The following DGKB variants were observed in gnomAD, a reference collection of about 807,000 sequenced individuals.
DGKB encodes 90 kDa diacylglycerol kinase.
DGKB carries 67 observed loss-of-function variants against 114.3 expected under a neutral mutation model. The ratio of observed to expected loss-of-function variants is 0.59; its 90% CI spans 0.48 to 0.72. The LOEUF is 0.72. DGKB is among the 30% of genes least tolerant of loss of function. The pLI, the probability that DGKB is intolerant of heterozygous loss-of-function variation, is 0.00. For missense variants in DGKB, 907 were observed against 975.2 expected (o/e 0.93, Z 0.93); for synonymous variants, 398 against 323.1 (o/e 1.23, Z -2.49).
intron 14 of DGKB, 150 bp from the exon 15 acceptor site, chr7:14,621,644 T>C (rs1003932595): frequency 1.7e-6 from 1 of 580,100 alleles, no homozygotes; most frequent in Non-Finnish European, 3.0e-6. Flanking sequence ...ATGAAAGCTG[T>C]TGTTTTCAAC....
At chr7:14,830,321 T>A (rs1214198736) in intron 2 of DGKB, among the ~76,000 whole-genome samples, 3 of 152,024 alleles carry the variant, frequency 2.0e-5, no homozygotes, top group African/African-American at 7.2e-5. Flanking sequence ...CCTCTTTGAA[T>A]TCCTTCTAAC....
At chr7:14,408,927 T>C (rs984254842) in intron 21 of DGKB, among the ~76,000 whole-genome samples, 2 of 152,120 alleles carry the variant, frequency 1.3e-5, no homozygotes, top group Non-Finnish European at 2.9e-5. Flanking sequence ...ATAAAAGATA[T>C]GTAGATGCTA....
chr7:14,877,607 C>A (rs960891257), intron 1 of DGKB, among the ~76,000 whole-genome samples: 1 of 152,008 alleles, frequency 6.6e-6, no homozygotes, highest in South Asian at 2.1e-4. Context: ...TTTGGGTGAC[C>A]CCTCTGGCAT....
At chr7:14,661,100 C>T (rs1816973762) in intron 13 of DGKB, among the ~76,000 whole-genome samples, 1 of 151,828 alleles carries the variant, frequency 6.6e-6, no homozygotes, top group African/African-American at 2.4e-5. Context: ...CCACAAAGAC[C>T]CTAGAAGAAA....
At chr7:14,421,726 A>T (rs896172547) in intron 21 of DGKB, among the ~76,000 whole-genome samples, 2 of 152,080 alleles carry the variant, frequency 1.3e-5, no homozygotes, top group African/African-American at 4.8e-5. Context: ...AGTGATGATA[A>T]TGGAAAGCAA....
At chr7:14,960,278 T>G (rs1290521335) in intron 1 of DGKB, among the ~76,000 whole-genome samples, 1 of 152,090 alleles carries the variant, frequency 6.6e-6, no homozygotes, top group African/African-American at 2.4e-5. Context: ...AAAGAATATA[T>G]AACAGCTTGG....
chr7:14,834,532 G>GCTCTCT (rs142125920), intron 2 of DGKB, among the ~76,000 whole-genome samples: 14 of 150,854 alleles, frequency 9.3e-5, no homozygotes, highest in Non-Finnish European at 1.8e-4. Context: ...AGTCACGAGT[G>GCTCTCT]CTCTCTCTCT....
intron 13 of DGKB, among the ~76,000 whole-genome samples, chr7:14,669,491 C>T (rs189613878): frequency 4.6e-4 from 70 of 152,256 alleles, no homozygotes; most frequent in African/African-American, 1.6e-3. Context: ...AATCACTCAA[C>T]TCTACTCAAC....
chr7:14,694,104 G>C lies in DGKB; in HGVS notation c.682C>G (p.Pro228Ala). The change falls in exon 9 of 26, where the codon CCA (proline) becomes GCA (alanine). Residue 228 changes from proline (P) to alanine (A), a missense_variant. Physicochemically the swap from Pro to Ala is conservative, Grantham distance 27. Around this residue, in one of 3 missense-constraint regions of DGKB, gnomAD observed 814 missense variants for 856.6 expected, o/e 0.95. Transcript: ENST00000402815. The stretch of plus-strand genomic sequence containing the variant: ...TCTAAGCCCAGGAGCACAAGAAGTG[G>C]AATCGTTGTCATTCCTCCTTGAATC... ...EWIQGGMTTIPLLVLLGLENN... is the reference protein window; with the variant it reads ...EWIQGGMTTIALLVLLGLENN... The C allele has an allele frequency of 6.3e-7, 1 of 1,592,096 alleles. No homozygotes were observed. The highest frequency in any genetic ancestry group is 1.1e-5 in the South Asian group (1 of 87,338).
At chr7:14,250,335 T>C (rs1177665695) in intron 23 of DGKB, among the ~76,000 whole-genome samples, 2 of 151,964 alleles carry the variant, frequency 1.3e-5, no homozygotes, top group Non-Finnish European at 2.9e-5. Flanking sequence ...TCACATGGGT[T>C]TCAGTAGGTT....
chr7:14,842,250 G>A (rs1340739572), intron 1 of DGKB, among the ~76,000 whole-genome samples: 2 of 152,152 alleles, frequency 1.3e-5, no homozygotes, highest in African/African-American at 2.4e-5. Context: ...ATTACTTAAA[G>A]TCACCTTACT....
At chr7:14,847,714 A>G (rs2128151879) in intron 1 of DGKB, among the ~76,000 whole-genome samples, 1 of 152,378 alleles carries the variant, frequency 6.6e-6, no homozygotes, top group African/African-American at 2.4e-5. Flanking sequence ...AACAAAGTCT[A>G]TAAAACTACA....
intron 15 of DGKB, among the ~76,000 whole-genome samples, chr7:14,614,300 C>A (rs764149252): frequency 6.6e-6 from 1 of 152,034 alleles, no homozygotes; most frequent in Non-Finnish European, 1.5e-5. Context: ...TTGTCTCTTA[C>A]CTGATTCCAA....
At chr7:14,408,280 G>A (rs752526488) in intron 21 of DGKB, among the ~76,000 whole-genome samples, 71 of 152,126 alleles carry the variant, frequency 4.7e-4, no homozygotes, top group Admixed American at 2.0e-4. Flanking sequence ...CAGGAAAAAC[G>A]CCCATAGCCT....
At chr7:14,789,035 C>G (rs1375787477) in intron 2 of DGKB, among the ~76,000 whole-genome samples, 4 of 151,778 alleles carry the variant, frequency 2.6e-5, no homozygotes, top group African/African-American at 4.8e-5. Flanking sequence ...TACTCCAGAC[C>G]CAACCTTAAG....
At chr7:14,596,577 T>G (rs1449172658) in intron 17 of DGKB, among the ~76,000 whole-genome samples, 1 of 152,082 alleles carries the variant, frequency 6.6e-6, no homozygotes, top group African/African-American at 2.4e-5. Flanking sequence ...ATATTATAAG[T>G]CTCAGGGTTC....
At chr7:14,500,357 A>G (rs886726448) in intron 20 of DGKB, among the ~76,000 whole-genome samples, 1 of 151,800 alleles carries the variant, frequency 6.6e-6, no homozygotes, top group Non-Finnish European at 1.5e-5. Flanking sequence ...CTTTATCAGC[A>G]TTTAAAAATA....
chr7:14,512,348 G>C (rs777396494), intron 20 of DGKB, among the ~76,000 whole-genome samples: 16 of 152,126 alleles, frequency 1.1e-4, no homozygotes, highest in Admixed American at 1.3e-4. Flanking sequence ...TACCAAGAAG[G>C]ATTTTAATAA....
intron 21 of DGKB, among the ~76,000 whole-genome samples, chr7:14,474,377 C>T (rs551038605): frequency 6.6e-6 from 1 of 152,296 alleles, no homozygotes. Context: ...CCATGTGGAA[C>T]TGTAAGTCCA....
Sources: gnomAD v4.1 joint callset for allele counts (sites outside exome capture counted in the v4.1 genomes callset) on GRCh38, gnomAD v4.1.1 for gene constraint, gnomAD v4.1.1 regional missense constraint, MANE v1.5 for transcripts, NCBI Gene and HGNC (gene_info 2026-07-23, HGNC 2026-07-21) for gene names.